The following ZNF114 variants were observed in gnomAD, a reference collection of about 807,000 sequenced individuals.
ZNF114 encodes the protein zinc finger protein 114.
A neutral mutation model predicts 6.8 loss-of-function variants in ZNF114; 8 were observed. The observed-to-expected ratio is 1.18, with a 90% CI of 0.69 to 2.13. The LOEUF (loss-of-function observed/expected upper bound fraction) is 2.13, where lower values mean the gene tolerates loss of function less well. ZNF114 is among the 30% of genes most tolerant of loss of function. The pLI is 0.00. For missense variants in ZNF114, 472 were observed against 519.5 expected, an observed-to-expected ratio of 0.91 and a Z score of 0.89; for synonymous variants, 169 against 185.5, an observed-to-expected ratio of 0.91 and a Z score of 0.72.
In ZNF114 at chr19:48,275,981, C is replaced by CAA. The variant is rs34451904; in HGVS notation, c.-69-3739_-69-3738dup. Reference sequence around the variant, plus strand: ...CGGGTGACAGAGTGAGACTCCATCTCAAAAAAAAAAAAGCTATAATGGCTG... The same window carrying CAA: ...CGGGTGACAGAGTGAGACTCCATCTCAAAAAAAAAAAAAAGCTATAATGGCTG... On this transcript the variant is annotated intron_variant, in intron 3 of 5. Transcript: ENST00000595607. 1.6e-3 allele frequency among the ~76,000 whole-genome samples: 198 copies of CAA among 121,718 alleles called. 1 individual carries two copies. Among genetic ancestry groups the CAA allele is most frequent in the Non-Finnish European group, 2.4e-3 (143 of 59,538 alleles). The allele number at this position is 121,718 out of a possible 152,430, so 79.9% of individuals were successfully genotyped here.
chr19:48,277,152 C>A (rs1967857538), intron 3 of ZNF114, among the ~76,000 whole-genome samples: 1 of 151,176 alleles, frequency 6.6e-6, no homozygotes, highest in South Asian at 2.1e-4. Context: ...CAGAATGAGA[C>A]CCTGTCTCAA....
At chr19:48,278,178 C>T (rs930261417) in intron 3 of ZNF114, among the ~76,000 whole-genome samples, 52 of 152,308 alleles carry the variant, frequency 3.4e-4, no homozygotes, top group African/African-American at 1.3e-3. Flanking sequence ...TCAAGTGATC[C>T]ACCTGCCTCG....
intron 5 of ZNF114, 97 bp from the exon 6 acceptor site, chr19:48,285,661 AAAG>A: frequency 7.5e-7 from 1 of 1,332,952 alleles, no homozygotes; most frequent in Non-Finnish European, 1.0e-6. Context: ...AGAAAGAAAG[AAAG>A]AAAGAGAGAA....
At position 48,278,233 on chromosome 19, in the gene ZNF114, G is replaced by A. The variant is rs556692306; in HGVS notation, c.-69-1498G>A. 4.6e-5 allele frequency among the ~76,000 whole-genome samples: 7 copies of A among 152,296 alleles called. No individual in the cohort carries two copies. The South Asian group carries it at 1.5e-3, about 32-fold the overall frequency. ...TTACAGGCTTGAGCCAACGCGCCCG[G>A]CCCAATTCACCTTCTTAAAGGGTGC... On this transcript the variant is annotated intron_variant, in intron 3 of 5. Coordinates refer to ENST00000595607, the MANE Select transcript of ZNF114 (RefSeq NM_153608.4).
At chr19:48,277,566 T>C (rs1008823988) in intron 3 of ZNF114, among the ~76,000 whole-genome samples, 21 of 152,158 alleles carry the variant, frequency 1.4e-4, no homozygotes, top group African/African-American at 4.8e-4. Context: ...TTTCCATCAA[T>C]TGCAATGATT....
intron 3 of ZNF114, among the ~76,000 whole-genome samples, chr19:48,277,140 G>A (rs1427201257): frequency 5.3e-5 from 8 of 151,932 alleles, no homozygotes; most frequent in Non-Finnish European, 1.0e-4. Context: ...CGGCCTGGGC[G>A]ACAGAATGAG....
rs544462398 is a variant in ZNF114 at position 48,285,666 on chromosome 19, A to AAG, written c.137-89_137-88dup. The stretch of plus-strand genomic sequence containing the variant: ...AGGGAGGGAAAGAAAGAAAGAAAGA[A>AAG]AGAGAGAAATCCACACGGAGATTGC... On this transcript the variant is annotated intron_variant, in intron 5 of 5. Transcript: ENST00000595607. The AAG allele has an allele frequency of 7.3e-3, 9,839 of 1,348,298 alleles. 54 individuals are homozygous for AAG. The highest frequency in any genetic ancestry group is 8.8e-3 in the Non-Finnish European group (8,833 of 1,000,496). 83.5% of individuals were successfully genotyped at this position (1,348,298 alleles called of 1,614,324 possible).
chr19:48,270,483 G>T (rs1409165182), intron 1 of ZNF114, among the ~76,000 whole-genome samples: 1 of 130,326 alleles, frequency 7.7e-6, no homozygotes. Context: ...AGAGAGGAAG[G>T]GGGGAAGGAA....
At chr19:48,283,734 GTTTT>G in intron 5 of ZNF114, among the ~76,000 whole-genome samples, 1 of 148,136 alleles carries the variant, frequency 6.8e-6, no homozygotes, top group Non-Finnish European at 1.5e-5. Context: ...TGGGGTTTTT[GTTTT>G]TTTTTTGTTT....
intron 4 of ZNF114, among the ~76,000 whole-genome samples, chr19:48,280,612 G>T (rs886961654): frequency 3.2e-4 from 48 of 150,354 alleles, no homozygotes; most frequent in African/African-American, 1.2e-3. Flanking sequence ...GAGTGCAATG[G>T]CATGATCTCG....
chr19:48,277,794 G>GGGGGGTGTGTGTGTGT (rs1330052475), intron 3 of ZNF114, among the ~76,000 whole-genome samples: 54 of 119,410 alleles, frequency 4.5e-4, no homozygotes, highest in Admixed American at 1.6e-3. Flanking sequence ...GGAGGCATTG[G>GGGGGGTGTGTGTGTGT]GTGTGTGTGT....
At position 48,282,452 on chromosome 19, in the gene ZNF114, T is replaced by A; in HGVS notation, c.91T>A (p.Tyr31Asn). 6.2e-7 allele frequency: 1 copy of A among 1,610,912 alleles called. No homozygotes were observed. Among genetic ancestry groups the A allele is most frequent in the Non-Finnish European group, 8.5e-7 (1 of 1,177,838 alleles). ...TLLDPAQRNLYRDVMLENSRN... is the reference protein window; with the variant it reads ...TLLDPAQRNLNRDVMLENSRN... ...GCTGGACCCAGCTCAGAGGAATCTC[T>A]ACAGAGACGTGATGCTGGAAAATTC... The change falls in exon 5 of 6, where the codon TAC becomes AAC. Residue 31 changes from tyrosine (Y) to asparagine (N), a missense_variant. Transcript: ENST00000595607.
rs1170280344 is a variant in ZNF114, at chr19:48,272,792, C to CTTT, written c.-70+983_-70+985dup. 4.6e-3 allele frequency among the ~76,000 whole-genome samples: 383 copies of CTTT among 83,760 alleles called. 8 individuals are homozygous for CTTT. The highest frequency in any genetic ancestry group is 4.9e-3 in the Non-Finnish European group (228 of 46,540). The allele number at this position is 83,760 out of a possible 152,430, so 54.9% of individuals were successfully genotyped here. On this transcript the variant is annotated intron_variant, in intron 3 of 5. Coordinates refer to ENST00000595607, the MANE Select transcript of ZNF114 (RefSeq NM_153608.4). ...TGCACTGGTTTCTTACGAGAAAGAG[C>CTTT]TTTTTTTTTTTTTTTTTTTTTGAGA...
Position 48,286,015 on chromosome 19 carries a change from C to T in ZNF114, c.391C>T (p.His131Tyr). The T allele has an allele frequency of 6.2e-7, 1 of 1,613,878 alleles. No homozygotes were observed. The highest frequency in any genetic ancestry group is 1.1e-5 in the South Asian group (1 of 91,056). Reference sequence around the variant, plus strand: ...TTGTGAAGATCATGAAATGAGGAACCACTCTAAACCTACCTGCAGGCTTGT... The same window carrying T: ...TTGTGAAGATCATGAAATGAGGAACTACTCTAAACCTACCTGCAGGCTTGT... The part of the protein sequence containing the change: ...SICEDHEMRN[H>Y]SKPTCRLVPS... The change falls in exon 6 of 6, where the codon CAC (histidine) becomes TAC (tyrosine). Residue 131 changes from histidine (H) to tyrosine (Y), a missense_variant. Coordinates refer to ENST00000595607, the MANE Select transcript of ZNF114 (RefSeq NM_153608.4).
intron 4 of ZNF114, 135 bp downstream of exon 4, chr19:48,279,943 C>A: frequency 8.0e-7 from 1 of 1,243,362 alleles, no homozygotes; most frequent in Non-Finnish European, 1.2e-6. Context: ...TGCCCTAGGT[C>A]TCTGCACCTC....
Position 48,286,544 on chromosome 19 carries a change from C to T in ZNF114, c.920C>T (p.Pro307Leu), listed in dbSNP as rs1968136154. Reference sequence around the variant, plus strand: ...ACTGGAGAGAAAACCCATAAATGCCCCGAATGTGGGAGAGCCTTTTTTTAT... The same window carrying T: ...ACTGGAGAGAAAACCCATAAATGCCTCGAATGTGGGAGAGCCTTTTTTTAT... ...HCTGEKTHKCPECGRAFFYQS... is the reference protein window; with the variant it reads ...HCTGEKTHKCLECGRAFFYQS... The change falls in exon 6 of 6, where the codon CCC becomes CTC. Residue 307 changes from proline (P) to leucine (L), a missense_variant. Transcript: ENST00000595607. 1 of 1,613,966 alleles carries T rather than the reference C, an allele frequency of 6.2e-7. No homozygotes were observed. Among genetic ancestry groups the T allele is most frequent in the Non-Finnish European group, 8.5e-7 (1 of 1,180,036 alleles).
chr19:48,271,976 G>A (rs76655518), intron 3 of ZNF114, 148 bp downstream of exon 3: 10,625 of 152,398 alleles, frequency 0.07, 731 homozygotes, highest in African/African-American at 0.18. Flanking sequence ...GACCCCGAGC[G>A]CGCCCTTCAC....
In ZNF114 at chr19:48,286,771, A is replaced by G; in HGVS notation, c.1147A>G (p.Thr383Ala). ...AAAATATACACATATAAGGAGCCAC[A>G]CTGGAGAGAAACCCTATAAATGTAA... is the stretch of plus-strand genomic sequence containing the variant. Reference protein sequence around the residue: ...SSKYTHIRSHTGEKPYKCKTC... With the variant: ...SSKYTHIRSHAGEKPYKCKTC... Residue 383 changes from threonine (T) to alanine (A), a missense_variant, in exon 6 of 6, where the codon ACT becomes GCT. By Grantham distance (58) the Thr-to-Ala change is moderately conservative. Transcript: ENST00000595607. 6.2e-7 allele frequency: 1 copy of G among 1,613,008 alleles called. No individual in the cohort carries two copies. Among genetic ancestry groups the G allele is most frequent in the Non-Finnish European group, 8.5e-7 (1 of 1,179,746 alleles).
intron 5 of ZNF114, among the ~76,000 whole-genome samples, chr19:48,283,383 C>G (rs773777330): frequency 1.1e-4 from 17 of 152,158 alleles, no homozygotes; most frequent in Non-Finnish European, 2.4e-4. Flanking sequence ...AAGCCTGTGT[C>G]CATTTGACAG....
Sources: allele counts gnomAD v4.1 joint callset (sites outside exome capture counted in the v4.1 genomes callset), GRCh38; gene constraint gnomAD v4.1.1; transcripts MANE v1.5; gene names NCBI Gene and HGNC (gene_info 2026-07-23, HGNC 2026-07-21).